DKC1: variants seen among roughly 807,000 people sequenced by gnomAD.
DKC1 encodes H/ACA ribonucleoprotein complex subunit DKC1.
In DKC1, 4 loss-of-function variants were observed where a neutral mutation model predicts 46.7. The ratio of observed to expected loss-of-function variants is 0.09; its 90% CI spans 0.04 to 0.20. The LOEUF (loss-of-function observed/expected upper bound fraction) is 0.20, where lower values mean the gene tolerates loss of function less well. DKC1 is among the 10% of genes least tolerant of loss of function. The pLI is 1.00. For missense variants in DKC1, 171 were observed against 404.2 expected (o/e 0.42, Z 4.95); for synonymous variants, 141 against 142.4 (o/e 0.99, Z 0.07).
intron 12 of DKC1, 112 bp from the exon 13 acceptor site, chrX:154,775,083 C>A: frequency 1.4e-6 from 1 of 736,199 alleles, no homozygotes; most frequent in Non-Finnish European, 2.2e-6. Context: ...TTCTTCTGTC[C>A]AGCGTCAGTA....
At chrX:154,769,795 A>G (rs1273246452) in intron 9 of DKC1, among the ~76,000 whole-genome samples, 7 of 112,559 alleles carry the variant, frequency 6.2e-5, no homozygotes, top group Non-Finnish European at 1.1e-4. Flanking sequence ...ATGGCACCAT[A>G]ATAGTTGAAA....
chrX:154,769,356 A>G (rs782668719), intron 9 of DKC1, 46 bp downstream of exon 9: 4 of 1,151,061 alleles, frequency 3.5e-6, no homozygotes, highest in Non-Finnish European at 4.8e-6. Context: ...ACGTACTCCA[A>G]AGATGAGGCT....
In DKC1 at chrX:154,764,169, T is replaced by TTA. The variant is rs57268312; in HGVS notation, c.17-717_17-716dup. ...GTGTGACCGTCTCAAAAAAAAAAAA[T>TTA]TATATATATATATAAATATGTGTGT... On this transcript the variant is annotated intron_variant, in intron 1 of 14. Transcript: ENST00000369550. Among the ~76,000 whole-genome samples, 2,659 of 105,840 alleles carry TTA rather than the reference T, an allele frequency of 0.025. 266 individuals carry two copies. In the East Asian group the frequency reaches 0.4, roughly 16 times the overall value. The allele number at this position is 105,840 out of a possible 115,157, so 91.9% of individuals were successfully genotyped here. A position where few individuals can be genotyped will look rare whatever the true frequency, so the allele number is the denominator to read the frequency against.
chrX:154,772,980 T>C (rs2071842607), intron 10 of DKC1, 151 bp from the exon 11 acceptor site: 1 of 450,145 alleles, frequency 2.2e-6, no homozygotes, highest in Non-Finnish European at 4.0e-6. Flanking sequence ...ATTTCCTCCA[T>C]ATGCACATCC....
chrX:154,767,231 T>G (rs1557264285), intron 6 of DKC1, 25 bp from the exon 7 acceptor site: 1 of 1,211,529 alleles, frequency 8.3e-7, no homozygotes. Context: ...ATGAGGTGTT[T>G]GTTTTCATTT....
chrX:154,770,329 C>T (rs1486242907), intron 9 of DKC1, among the ~76,000 whole-genome samples: 8 of 108,737 alleles, frequency 7.4e-5, no homozygotes, highest in African/African-American at 1.7e-4. Flanking sequence ...ATTAGCTGGG[C>T]GTGGTGGCAC....
At chrX:154,770,263 G>A (rs781829727) in intron 9 of DKC1, among the ~76,000 whole-genome samples, 3 of 110,032 alleles carry the variant, frequency 2.7e-5, no homozygotes, top group Non-Finnish European at 5.7e-5. Flanking sequence ...GAGCTCAGGA[G>A]TTTGAGACCA....
intron 7 of DKC1, 24 bp from the exon 8 acceptor site, chrX:154,768,278 T>G: frequency 8.3e-7 from 1 of 1,211,046 alleles, no homozygotes; most frequent in Non-Finnish European, 1.1e-6. Context: ...GGTGCTGCTT[T>G]TCTTTTGTGT....
chrX:154,768,624 G>C lies in DKC1; in HGVS notation c.771+192G>C, dbSNP rs138465224. ...GCTAAGGGAGATGATTGGGTAGAAA[G>C]TATTATTCTATTCATTTGCCTCCCA... On this transcript the variant is annotated intron_variant, in intron 8 of 14. Coordinates refer to ENST00000369550, the MANE Select transcript of DKC1 (RefSeq NM_001363.5). The C allele has an allele frequency of 4.8e-4, 278 of 579,586 alleles. 1 individual carries two copies. The African/African-American group carries it at 5.0e-3, about 11-fold the overall frequency. The allele number at this position is 579,586 out of a possible 1,213,427, so 47.8% of individuals were successfully genotyped here.
At chrX:154,769,450 T>A in intron 9 of DKC1, 140 bp downstream of exon 9, 1 of 699,283 alleles carries the variant, frequency 1.4e-6, no homozygotes, top group East Asian at 3.5e-5. Context: ...AAAAGTTTAA[T>A]GGTAGGCATA....
chrX:154,772,446 G>C (rs1368591400), intron 10 of DKC1, among the ~76,000 whole-genome samples: 1 of 112,138 alleles, frequency 8.9e-6, no homozygotes, highest in African/African-American at 3.2e-5. Flanking sequence ...ATTGGTTTAT[G>C]TGCCTGTTTT....
In DKC1 at chrX:154,765,894, C is replaced by T. The variant is rs782236324; in HGVS notation, c.172-13C>T. The T allele has an allele frequency of 8.5e-6, 10 of 1,171,991 alleles. No homozygotes were observed. In the East Asian group the frequency reaches 8.9e-5, roughly 10 times the overall value. ...CATGGTATTTTGTTTTGTGTTGTGT[C>T]GTTGCTTTGTAGAATTTTGATAAGC... On this transcript the variant is annotated splice_polypyrimidine_tract_variant and intron_variant, in intron 3 of 14. Transcript: ENST00000369550.
At chrX:154,775,424 C>T in intron 13 of DKC1, 151 bp downstream of exon 13, 1 of 570,803 alleles carries the variant, frequency 1.8e-6, no homozygotes, top group African/African-American at 2.2e-5. Context: ...CTGCCTCATA[C>T]CCTGGGGTGC....
At chrX:154,766,950 CAG>C in intron 5 of DKC1, 45 bp from the exon 6 acceptor site, 1 of 1,144,509 alleles carries the variant, frequency 8.7e-7, no homozygotes, top group Non-Finnish European at 1.2e-6. Context: ...ATATGGAAAA[CAG>C]AAAACTCAGT....
chrX:154,768,443 C>CG lies in DKC1; in HGVS notation c.771+15dup. 1 of 1,210,802 alleles carries CG rather than the reference C, an allele frequency of 8.3e-7. No homozygotes were observed. Among genetic ancestry groups the CG allele is most frequent in the Non-Finnish European group, 1.1e-6 (1 of 895,139 alleles). ...GTCATGAGTGAAAAGGTATGTGTTA[C>CG]GGGGCTAGAAGTTTTAGAGCTGGTT... On this transcript the variant is annotated intron_variant, in intron 8 of 14. Transcript: ENST00000369550.
intron 5 of DKC1, chrX:154,766,682 C>T (rs1415638116): frequency 2.3e-5 from 10 of 430,788 alleles, no homozygotes; most frequent in African/African-American, 7.5e-5. Context: ...TCTGTGCTAC[C>T]GCTTCTGCCT....
rs1433555372 is a variant in DKC1, at chrX:154,777,397, T to C, written c.*530T>C. The C allele has an allele frequency of 1.6e-5, 2 of 127,091 alleles. No individual in the cohort carries two copies. The highest frequency in any genetic ancestry group is 3.2e-5 in the Non-Finnish European group (2 of 62,857). 10.5% of individuals were successfully genotyped at this position (127,091 alleles called of 1,213,427 possible). A position where few individuals can be genotyped will look rare whatever the true frequency, so the allele number is the denominator to read the frequency against. ...GGCCTGGTAGTTTTCCATCTTGTTCTGGCCTAGAGGTCAGTCCTTTGCACT... is the reference window on the plus strand; with the variant it reads ...GGCCTGGTAGTTTTCCATCTTGTTCCGGCCTAGAGGTCAGTCCTTTGCACT... On this transcript the variant is annotated 3_prime_UTR_variant, in exon 15 of 15. Coordinates refer to ENST00000369550, the MANE Select transcript of DKC1 (RefSeq NM_001363.5).
intron 1 of DKC1, 55 bp from the exon 2 acceptor site, chrX:154,764,844 C>G (rs186546647): frequency 5.8e-5 from 56 of 967,109 alleles, no homozygotes; most frequent in Non-Finnish European, 7.9e-5. Context: ...TATTTTAAAC[C>G]CTTGTTTCAT....
intron 2 of DKC1, 193 bp from the exon 3 acceptor site, chrX:154,765,250 AC>A: frequency 1.9e-6 from 1 of 516,298 alleles, no homozygotes; most frequent in South Asian, 2.6e-5. Context: ...AAATGTTTGG[AC>A]CCATCTTAGT....
Sources: allele counts gnomAD v4.1 joint callset (sites outside exome capture counted in the v4.1 genomes callset), GRCh38; gene constraint gnomAD v4.1.1; transcripts MANE v1.5; gene names NCBI Gene and HGNC (gene_info 2026-07-23, HGNC 2026-07-21).